The following MED13 variants were observed in gnomAD, a reference collection of about 807,000 sequenced individuals.
The protein encoded by MED13 is mediator of RNA polymerase II transcription subunit 13.
In MED13, 23 loss-of-function variants were observed where a neutral mutation model predicts 225.2. That is an observed-to-expected ratio of 0.10 (90% CI 0.07 to 0.14). The LOEUF (loss-of-function observed/expected upper bound fraction) is 0.14, where lower values mean the gene tolerates loss of function less well. MED13 is among the 10% of genes least tolerant of loss of function. The pLI is 1.00. For missense variants in MED13, 2,197 were observed against 2,594.5 expected, an observed-to-expected ratio of 0.85 and a Z score of 3.33; for synonymous variants, 942 against 889.2, an observed-to-expected ratio of 1.06 and a Z score of -1.06.
chr17:61,965,995 C>T (rs544204092), intron 19 of MED13, among the ~76,000 whole-genome samples: 59 of 151,946 alleles, frequency 3.9e-4, no homozygotes, highest in African/African-American at 1.3e-3. Context: ...CAGTTAGGCA[C>T]GGGTAGAATG....
rs555837633 is a variant in MED13, at chr17:61,955,384, T to C, written c.5966A>G (p.Asn1989Ser). ...CCAAAATGGAACAAATTACGTACCA[T>C]TGTTGGGATTGAAAGCTAAATCCAA... Reference protein sequence around the residue: ...ENLDLAFNPNNDGADGMGIFD... With the variant: ...ENLDLAFNPNSDGADGMGIFD... Residue 1989 changes from asparagine to serine, a missense_variant and splice_region_variant, in exon 26 of 30, where the codon AAT becomes AGT. This residue lies in a region of MED13 where 216 missense variants were observed against 388.9 expected (regional missense o/e 0.56). Transcript: ENST00000397786. The C allele has an allele frequency of 9.8e-6, 15 of 1,538,044 alleles. No individual in the cohort carries two copies. The highest frequency in any genetic ancestry group is 2.3e-5 in the East Asian group (1 of 43,748).
intron 8 of MED13, among the ~76,000 whole-genome samples, chr17:62,023,078 C>T (rs2080665063): frequency 6.6e-6 from 1 of 152,080 alleles, no homozygotes; most frequent in African/African-American, 2.4e-5. Flanking sequence ...ATCTAATTGG[C>T]AACTAGCCAC....
chr17:62,025,329 C>T (rs1193150684), intron 8 of MED13, among the ~76,000 whole-genome samples: 1 of 152,102 alleles, frequency 6.6e-6, no homozygotes, highest in Non-Finnish European at 1.5e-5. Context: ...TTTCACATAC[C>T]ATAAAACATT....
chr17:61,985,855 T>C (rs536309962), intron 12 of MED13, among the ~76,000 whole-genome samples: 1 of 152,344 alleles, frequency 6.6e-6, no homozygotes, highest in African/African-American at 2.4e-5. Flanking sequence ...CTTGTTTTAA[T>C]AGTCTCCCTA....
chr17:62,027,995 G>C (rs1420091325), intron 8 of MED13, among the ~76,000 whole-genome samples: 1 of 152,128 alleles, frequency 6.6e-6, no homozygotes, highest in Non-Finnish European at 1.5e-5. Flanking sequence ...GTGGAAAGCA[G>C]TGGTGATTCC....
chr17:62,042,476 C>T lies in MED13; in HGVS notation c.471-6868G>A, dbSNP rs575069007. On this transcript the variant is annotated intron_variant, in intron 3 of 29. Transcript: ENST00000397786. Reference sequence around the variant, plus strand: ...ACTCGGGAGGCTGAGGCAGGAGAATCGCTTGAACCTGGGAGGTGGCAGTTG... The same window carrying T: ...ACTCGGGAGGCTGAGGCAGGAGAATTGCTTGAACCTGGGAGGTGGCAGTTG... 8.8e-5 allele frequency among the ~76,000 whole-genome samples: 13 copies of T among 147,298 alleles called. No homozygotes were observed. The East Asian group carries it at 2.1e-3, about 24-fold the overall frequency.
chr17:61,980,990 C>T (rs1427486553), intron 16 of MED13, among the ~76,000 whole-genome samples: 1 of 151,348 alleles, frequency 6.6e-6, no homozygotes. Flanking sequence ...TCCCAAAGTG[C>T]TGGGATTAGA....
rs2080964022 is a variant in MED13 at position 62,052,383 on chromosome 17, A to T, written c.470+154T>A. ...TAAAGGGAAGTTTGTAAAGTGGTTT[A>T]AAAAAAAAAAAAACCTGACTGTATC... On this transcript the variant is annotated intron_variant, in intron 3 of 29. Transcript: ENST00000397786. Among the ~76,000 whole-genome samples, 3 of 129,442 alleles carry T rather than the reference A, an allele frequency of 2.3e-5. No homozygotes were observed. The South Asian group carries it at 6.8e-4, about 29-fold the overall frequency. The allele number at this position is 129,442 out of a possible 152,430, so 84.9% of individuals were successfully genotyped here.
intron 8 of MED13, among the ~76,000 whole-genome samples, chr17:62,021,412 A>G (rs12938870): frequency 2.3e-5 from 3 of 131,020 alleles, no homozygotes; most frequent in East Asian, 2.5e-4. Context: ...CTGGCCGGGC[A>G]GGGGGCTGAC....
At chr17:61,979,885 C>T (rs1279334444) in intron 16 of MED13, among the ~76,000 whole-genome samples, 12 of 152,128 alleles carry the variant, frequency 7.9e-5, no homozygotes, top group Non-Finnish European at 4.4e-5. Flanking sequence ...TAGAGATGAT[C>T]ACTCTCTTCT....
At chr17:62,048,021 T>TATACAC (rs1363351317) in intron 3 of MED13, among the ~76,000 whole-genome samples, 1 of 112,372 alleles carries the variant, frequency 8.9e-6, no homozygotes, top group Non-Finnish European at 1.8e-5. Flanking sequence ...TATATACATA[T>TATACAC]ATACATATAC....
chr17:62,040,932 G>A (rs2080847291), intron 3 of MED13, among the ~76,000 whole-genome samples: 2 of 152,138 alleles, frequency 1.3e-5, no homozygotes, highest in Admixed American at 6.5e-5. Context: ...CATTGCCTTT[G>A]GGAATGTAAA....
At chr17:62,004,292 T>C (rs1472824367) in intron 9 of MED13, 1 of 152,186 alleles carries the variant, frequency 6.6e-6, no homozygotes, top group Non-Finnish European at 1.5e-5. Flanking sequence ...AGAGCTTACA[T>C]TCTAATAGGG....
chr17:62,054,299 C>CT (rs2143764990), intron 2 of MED13, among the ~76,000 whole-genome samples: 1 of 147,172 alleles, frequency 6.8e-6, no homozygotes, highest in Admixed American at 6.8e-5. Flanking sequence ...ATTCAGTCTC[C>CT]AAAAAAACAA....
intron 19 of MED13, 46 bp downstream of exon 19, chr17:61,966,416 A>G (rs2080058595): frequency 6.9e-7 from 1 of 1,448,542 alleles, no homozygotes; most frequent in Non-Finnish European, 9.4e-7. Flanking sequence ...GGAGCAGGCC[A>G]CATTTTGCTA....
intron 2 of MED13, 138 bp downstream of exon 2, chr17:62,062,929 T>A: frequency 1.6e-6 from 1 of 616,454 alleles, no homozygotes; most frequent in Non-Finnish European, 2.7e-6. Flanking sequence ...CATGGTGAAA[T>A]AAAACAATGA....
In MED13 at chr17:61,982,774, G is replaced by A; in HGVS notation, c.3229C>T (p.Leu1077Phe). The A allele has an allele frequency of 6.2e-7, 1 of 1,614,206 alleles. No homozygotes were observed. Among genetic ancestry groups the A allele is most frequent in the Non-Finnish European group, 8.5e-7 (1 of 1,180,036 alleles). ...EAHSLYVNLI[L>F]SESVMNLFKD... ...AACAAATTCATAACTGATTCTGAAAGGATGAGGTTTACATAAAGACTGTGT... is the reference window on the plus strand; with the variant it reads ...AACAAATTCATAACTGATTCTGAAAAGATGAGGTTTACATAAAGACTGTGT... Residue 1077 changes from leucine to phenylalanine, a missense_variant, in exon 16 of 30, where the codon CTT becomes TTT. This residue lies in a region of MED13 where 99 missense variants were observed against 158.5 expected (regional missense o/e 0.62). Transcript: ENST00000397786.
intron 3 of MED13, among the ~76,000 whole-genome samples, chr17:62,038,332 G>T (rs1366254694): frequency 6.6e-6 from 1 of 152,082 alleles, no homozygotes; most frequent in Non-Finnish European, 1.5e-5. Flanking sequence ...AGCCTGAGAG[G>T]TTGAGGGTGC....
chr17:61,947,631 C>T (rs994731567), intron 28 of MED13, among the ~76,000 whole-genome samples: 2 of 152,086 alleles, frequency 1.3e-5, no homozygotes, highest in African/African-American at 2.4e-5. Context: ...GCACAATAAA[C>T]CTTAAACAAG....
Sources: allele counts gnomAD v4.1 joint callset (sites outside exome capture counted in the v4.1 genomes callset), GRCh38; gene constraint gnomAD v4.1.1; regional missense constraint gnomAD v4.1.1; transcripts MANE v1.5; gene names NCBI Gene and HGNC (gene_info 2026-07-23, HGNC 2026-07-21).